The following CACNA2D1 variants were observed in gnomAD, a reference collection of about 807,000 sequenced individuals.
CACNA2D1 encodes the protein voltage-dependent calcium channel subunit alpha-2/delta-1.
Under a neutral mutation model 171.5 loss-of-function variants are expected in CACNA2D1, and 53 were observed. The observed-to-expected ratio is 0.31, with a 90% CI of 0.25 to 0.39. CACNA2D1 has a LOEUF of 0.39. CACNA2D1 is among the 10% of genes least tolerant of loss of function. The pLI is 1.00. For missense variants in CACNA2D1, 903 were observed against 1,299.8 expected (o/e 0.69, Z 4.69); for synonymous variants, 442 against 443.1 (o/e 1.00, Z 0.03).
At chr7:82,239,595 G>A (rs968000624) in intron 3 of CACNA2D1, among the ~76,000 whole-genome samples, 1 of 152,128 alleles carries the variant, frequency 6.6e-6, no homozygotes, top group Non-Finnish European at 1.5e-5. Flanking sequence ...ACTAGAAAGA[G>A]ACAAGGAATA....
In CACNA2D1 at chr7:82,175,178, T is replaced by TA. The variant is rs145959304; in HGVS notation, c.295-4570dup. Among the ~76,000 whole-genome samples the TA allele has an allele frequency of 3.3e-3, 498 of 151,420 alleles. 10 individuals carry two copies. In the East Asian group the frequency reaches 0.072, roughly 22 times the overall value. ...ATGAGAAATTTTCTTTTGATAGCTT[T>TA]AAAAAAAAATCATCAGGGATCATAT... On this transcript the variant is annotated intron_variant, in intron 3 of 38. Coordinates refer to ENST00000356860, the MANE Select transcript of CACNA2D1 (RefSeq NM_000722.4).
intron 4 of CACNA2D1, among the ~76,000 whole-genome samples, chr7:82,164,165 T>G (rs1008358653): frequency 1.3e-5 from 2 of 151,952 alleles, no homozygotes; most frequent in African/African-American, 4.8e-5. Flanking sequence ...ACAGTAATAT[T>G]GTCAATAATG....
intron 5 of CACNA2D1, among the ~76,000 whole-genome samples, chr7:82,121,175 C>T (rs1789691259): frequency 6.6e-6 from 1 of 152,106 alleles, no homozygotes; most frequent in Non-Finnish European, 1.5e-5. Context: ...CCTCAGCCTC[C>T]AGAGCTGCTG....
chr7:82,029,794 T>C (rs543804000), intron 12 of CACNA2D1: 5 of 151,948 alleles, frequency 3.3e-5, no homozygotes, highest in African/African-American at 1.2e-4. Flanking sequence ...AACTTTGTTA[T>C]AGCCTCTGAA....
Position 82,052,427 on chromosome 7 carries a change from A to G in CACNA2D1, c.879+8001T>C, listed in dbSNP as rs555255770. On this transcript the variant is annotated intron_variant, in intron 10 of 38. Coordinates refer to ENST00000356860, the MANE Select transcript of CACNA2D1 (RefSeq NM_000722.4). ...GAAGGTTTTTTTCCTGAGAATTTCC[A>G]TATCAGTAAATTGTTAAATCTGTAT... 2.0e-5 allele frequency among the ~76,000 whole-genome samples: 3 copies of G among 152,304 alleles called. No individual in the cohort carries two copies. The East Asian group carries it at 5.8e-4, about 29-fold the overall frequency.
chr7:82,218,389 G>A (rs1801396225), intron 3 of CACNA2D1, among the ~76,000 whole-genome samples: 1 of 152,158 alleles, frequency 6.6e-6, no homozygotes, highest in South Asian at 2.1e-4. Flanking sequence ...AATCAATGAA[G>A]ACAGTTTCCC....
At chr7:82,096,666 C>T (rs1051089242) in intron 6 of CACNA2D1, among the ~76,000 whole-genome samples, 6 of 148,640 alleles carry the variant, frequency 4.0e-5, no homozygotes, top group African/African-American at 1.5e-4. Flanking sequence ...CAAGGACAAA[C>T]TCTCAATATC....
At chr7:82,315,009 ACT>A (rs1429288430) in intron 3 of CACNA2D1, among the ~76,000 whole-genome samples, 6 of 132,398 alleles carry the variant, frequency 4.5e-5, no homozygotes, top group Non-Finnish European at 3.1e-5. Flanking sequence ...ACAGAGTCTC[ACT>A]CTGTCTCCCA....
chr7:82,060,167 TA>T, intron 10 of CACNA2D1, among the ~76,000 whole-genome samples: 1 of 12,634 alleles, frequency 7.9e-5, no homozygotes, highest in Non-Finnish European at 2.1e-4. Context: ...ATATATATAA[TA>T]TATATATATA....
chr7:82,321,092 A>C (rs947607047), intron 3 of CACNA2D1, among the ~76,000 whole-genome samples: 1 of 152,038 alleles, frequency 6.6e-6, no homozygotes, highest in Non-Finnish European at 1.5e-5. Context: ...AACTTCCTCT[A>C]CCTGACACTT....
At chr7:82,411,182 T>C (rs915501309) in intron 1 of CACNA2D1, among the ~76,000 whole-genome samples, 1 of 152,172 alleles carries the variant, frequency 6.6e-6, no homozygotes, top group Non-Finnish European at 1.5e-5. Flanking sequence ...AGGCCATATT[T>C]ATTATAAATG....
chr7:82,395,507 A>G (rs1825671524), intron 1 of CACNA2D1, among the ~76,000 whole-genome samples: 1 of 152,228 alleles, frequency 6.6e-6, no homozygotes, highest in Non-Finnish European at 1.5e-5. Flanking sequence ...CTCTAAGCGC[A>G]TGTCTCATAT....
chr7:81,965,504 C>A (rs531010823), intron 32 of CACNA2D1, 90 bp downstream of exon 32: 2 of 784,508 alleles, frequency 2.5e-6, no homozygotes, highest in African/African-American at 3.4e-5. Flanking sequence ...AACAACTCAT[C>A]GATTTCTAAA....
rs1268248935 is a variant in CACNA2D1, at chr7:81,949,859, A to C, written c.*533T>G. On this transcript the variant is annotated 3_prime_UTR_variant, in exon 39 of 39. Coordinates refer to ENST00000356860, the MANE Select transcript of CACNA2D1 (RefSeq NM_000722.4). ...CATGGCAAATTTTTCATAGAAAATT[A>C]GCCATTATTTATATTTCAACAATTT... is the stretch of plus-strand genomic sequence containing the variant. The C allele has an allele frequency of 6.6e-6, 1 of 152,536 alleles. No individual in the cohort carries two copies. The highest frequency in any genetic ancestry group is 2.4e-5 in the African/African-American group (1 of 41,460). 9.4% of individuals were successfully genotyped at this position (152,536 alleles called of 1,614,324 possible).
At chr7:81,964,867 A>C (rs552924264) in intron 32 of CACNA2D1, among the ~76,000 whole-genome samples, 1 of 151,994 alleles carries the variant, frequency 6.6e-6, no homozygotes, top group Non-Finnish European at 1.5e-5. Flanking sequence ...TTGACGCAGT[A>C]ATCACTTAAC....
chr7:82,127,348 C>CTA (rs1433062561), intron 5 of CACNA2D1, among the ~76,000 whole-genome samples: 2 of 152,182 alleles, frequency 1.3e-5, no homozygotes, highest in Non-Finnish European at 2.9e-5. Flanking sequence ...TTTGCTTCCA[C>CTA]TAACCTTGAA....
intron 4 of CACNA2D1, among the ~76,000 whole-genome samples, chr7:82,168,126 A>C (rs1413441786): frequency 6.6e-6 from 1 of 151,944 alleles, no homozygotes; most frequent in Non-Finnish European, 1.5e-5. Flanking sequence ...GATGCATCAT[A>C]ATTTAAGTGG....
At chr7:82,064,492 T>C in intron 8 of CACNA2D1, 138 bp from the exon 9 acceptor site, 1 of 583,848 alleles carries the variant, frequency 1.7e-6, no homozygotes, top group Non-Finnish European at 3.2e-6. Flanking sequence ...TAGACAATGG[T>C]TTTCCATTCA....
chr7:82,147,131 G>C (rs1483685871), intron 4 of CACNA2D1, among the ~76,000 whole-genome samples: 1 of 150,228 alleles, frequency 6.7e-6, no homozygotes, highest in Non-Finnish European at 1.5e-5. Context: ...GCTCGAATAA[G>C]TTAAAAGGTA....
Sources: allele counts gnomAD v4.1 joint callset (sites outside exome capture counted in the v4.1 genomes callset), GRCh38; gene constraint gnomAD v4.1.1; transcripts MANE v1.5; gene names NCBI Gene and HGNC (gene_info 2026-07-23, HGNC 2026-07-21).